TP63: variants seen among roughly 807,000 people sequenced by gnomAD.
The protein encoded by TP63 is tumor protein p63.
Under a neutral mutation model 82.8 loss-of-function variants are expected in TP63, and 17 were observed. The ratio of observed to expected loss-of-function variants is 0.21; its 90% CI spans 0.14 to 0.31. TP63 has a LOEUF of 0.31. Among genes scored for constraint, TP63 ranks in the 10% least tolerant of loss-of-function variants. The pLI, the probability that TP63 is intolerant of heterozygous loss-of-function variation, is 1.00. For synonymous variants in TP63, 330 were observed against 321.7 expected (o/e 1.03, Z -0.28); for missense variants, 648 against 895.3 (o/e 0.72, Z 3.52).
chr3:189,729,548 C>G (rs1405712886), intron 1 of TP63, among the ~76,000 whole-genome samples: 1 of 151,908 alleles, frequency 6.6e-6, no homozygotes, highest in African/African-American at 2.4e-5. Context: ...AAATAAATTC[C>G]TTGATAAGAA....
chr3:189,855,987 C>CT (rs968019134), intron 4 of TP63, among the ~76,000 whole-genome samples: 2 of 151,788 alleles, frequency 1.3e-5, no homozygotes, highest in Non-Finnish European at 2.9e-5. Flanking sequence ...GAAATATTTG[C>CT]TATCCACCCA....
intron 1 of TP63, among the ~76,000 whole-genome samples, chr3:189,666,295 G>A (rs953722824): frequency 6.6e-6 from 1 of 152,010 alleles, no homozygotes; most frequent in Non-Finnish European, 1.5e-5. Flanking sequence ...CCCTTTAACA[G>A]AGAAACTCCA....
upstream of TP63, among the ~76,000 whole-genome samples, chr3:189,630,595 G>A (rs983056409): frequency 5.3e-5 from 8 of 151,998 alleles, no homozygotes; most frequent in Non-Finnish European, 1.2e-4. Context: ...TTATTAACAG[G>A]CAATTTGAAA....
At chr3:189,690,432 G>A (rs754061590) in intron 1 of TP63, among the ~76,000 whole-genome samples, 17 of 152,140 alleles carry the variant, frequency 1.1e-4, no homozygotes, top group Non-Finnish European at 2.4e-4. Context: ...AACTTGAGCT[G>A]GTTAAAACAA....
intron 3 of TP63, among the ~76,000 whole-genome samples, chr3:189,784,177 T>C (rs995108998): frequency 6.6e-6 from 1 of 151,994 alleles, no homozygotes; most frequent in African/African-American, 2.4e-5. Context: ...TACAAAACAA[T>C]ATGAGGAGAG....
intron 12 of TP63, 108 bp downstream of exon 12, chr3:189,889,592 C>A: frequency 6.7e-7 from 1 of 1,489,320 alleles, no homozygotes; most frequent in South Asian, 1.2e-5. Flanking sequence ...GACAGCAGTC[C>A]TGTGGTTGGA....
At chr3:189,823,060 T>C (rs1422136882) in intron 4 of TP63, among the ~76,000 whole-genome samples, 1 of 152,216 alleles carries the variant, frequency 6.6e-6, no homozygotes, top group Non-Finnish European at 1.5e-5. Context: ...AGAAGTATTT[T>C]GTGACCAGAA....
intron 1 of TP63, among the ~76,000 whole-genome samples, chr3:189,652,070 G>A (rs1220609302): frequency 2.0e-5 from 3 of 146,600 alleles, no homozygotes; most frequent in Non-Finnish European, 4.5e-5. Flanking sequence ...AGGGAAATGT[G>A]GGGTTGGAGC....
the TP63 span, among the ~76,000 whole-genome samples, chr3:189,599,884 T>C: frequency 1.3e-5 from 2 of 152,250 alleles, no homozygotes; most frequent in African/African-American, 4.8e-5. Flanking sequence ...AAATGTACTA[T>C]ATTTATTTTC....
chr3:189,808,201 G>A, intron 3 of TP63, 71 bp from the exon 4 acceptor site: 5 of 1,613,796 alleles, frequency 3.1e-6, no homozygotes, highest in Middle Eastern at 1.7e-4. Flanking sequence ...ATTCACCCAT[G>A]GATGCCTTTT....
chr3:189,875,609 T>TATATGTATATATATACACAC, intron 10 of TP63, among the ~76,000 whole-genome samples: 1 of 62,994 alleles, frequency 1.6e-5, no homozygotes, highest in East Asian at 4.1e-4. Flanking sequence ...TATATATATA[T>TATATGTATATATATACACAC]ATATATATAT....
the TP63 span, among the ~76,000 whole-genome samples, chr3:189,614,318 A>T: frequency 7.0e-4 from 107 of 151,990 alleles, no homozygotes; most frequent in African/African-American, 2.5e-3. Context: ...CTTCTTCCTC[A>T]TTTTTCTCTT....
At chr3:189,886,655 G>A (rs1047988972) in intron 11 of TP63, 104 bp downstream of exon 11, 3 of 1,514,646 alleles carry the variant, frequency 2.0e-6, no homozygotes, top group Non-Finnish European at 2.7e-6. Context: ...GAGAGACACA[G>A]TGGGACAGAT....
intron 3 of TP63, chr3:189,789,868 C>T: frequency 1.3e-6 from 2 of 1,530,228 alleles, no homozygotes; most frequent in Non-Finnish European, 1.7e-6. Context: ...TTTAGCACTC[C>T]ATTTAGAGAT....
In TP63 at chr3:189,895,928, C is replaced by T. The variant is rs36099321; in HGVS notation, c.*1426C>T. 52 of 228,238 alleles carry T rather than the reference C, an allele frequency of 2.3e-4. No homozygotes were observed. The highest frequency in any genetic ancestry group is 8.4e-4 in the African/African-American group (38 of 45,192). The allele number at this position is 228,238 out of a possible 1,614,324, so 14.1% of individuals were successfully genotyped here. On this transcript the variant is annotated 3_prime_UTR_variant, in exon 14 of 14. Coordinates refer to ENST00000264731, the MANE Select transcript of TP63 (RefSeq NM_003722.5). ...AAGTAACTGTGAGAACCCAGTTTCC[C>T]GTCCATCTCCCTTAGGGACTACCCA...
At chr3:189,598,725 G>T in the TP63 span, among the ~76,000 whole-genome samples, 2 of 152,264 alleles carry the variant, frequency 1.3e-5, no homozygotes, top group East Asian at 1.9e-4. Flanking sequence ...AGCCAGCAGA[G>T]TGTTGGCGCA....
chr3:189,615,431 A>G, the TP63 span, among the ~76,000 whole-genome samples: 1 of 152,138 alleles, frequency 6.6e-6, no homozygotes, highest in Non-Finnish European at 1.5e-5. Context: ...ATTATTTATA[A>G]TTGCTGCTTC....
At chr3:189,739,737 T>C (rs1039353131) in intron 3 of TP63, among the ~76,000 whole-genome samples, 7 of 152,018 alleles carry the variant, frequency 4.6e-5, no homozygotes, top group Non-Finnish European at 8.8e-5. Flanking sequence ...CTTCCTGAGA[T>C]GTTTAGATTT....
chr3:189,733,266 C>A (rs1254239814), intron 1 of TP63, among the ~76,000 whole-genome samples: 1 of 152,196 alleles, frequency 6.6e-6, no homozygotes, highest in Non-Finnish European at 1.5e-5. Context: ...TGCTGTTTTT[C>A]TCTCTTCTGC....
Sources: allele counts gnomAD v4.1 joint callset (sites outside exome capture counted in the v4.1 genomes callset), GRCh38; gene constraint gnomAD v4.1.1; transcripts MANE v1.5; gene names NCBI Gene and HGNC (gene_info 2026-07-23, HGNC 2026-07-21).